The following ATP5MJ variants were observed in gnomAD, a reference collection of about 807,000 sequenced individuals.
The protein encoded by ATP5MJ is ATP synthase F(0) complex subunit j, mitochondrial.
Under a neutral mutation model 8.3 loss-of-function variants are expected in ATP5MJ, and 4 were observed. The observed-to-expected ratio is 0.48, with a 90% CI of 0.24 to 1.11. The LOEUF (loss-of-function observed/expected upper bound fraction) is 1.11, where lower values mean the gene tolerates loss of function less well. ATP5MJ is among the 50% of genes least tolerant of loss of function. The pLI, the probability that ATP5MJ is intolerant of heterozygous loss-of-function variation, is 0.18. For synonymous variants in ATP5MJ, 23 were observed against 21.3 expected, an observed-to-expected ratio of 1.08 and a Z score of -0.23; for missense variants, 66 against 71.8, an observed-to-expected ratio of 0.92 and a Z score of 0.29.
intron 1 of ATP5MJ, chr14:103,920,831 A>G: frequency 1.2e-6 from 1 of 847,898 alleles, no homozygotes; most frequent in South Asian, 1.4e-5. Context: ...TCAGTTTTAC[A>G]GCACCAGACC....
At chr14:103,920,241 C>T (rs1172336790) in intron 1 of ATP5MJ, among the ~76,000 whole-genome samples, 4 of 151,474 alleles carry the variant, frequency 2.6e-5, no homozygotes, top group Admixed American at 2.6e-4. Flanking sequence ...TGTCCTGCCT[C>T]AGCCTCCTGA....
In ATP5MJ at chr14:103,912,621, A is replaced by G. The variant is rs773182541; in HGVS notation, c.*45T>C. 25 of 1,602,170 alleles carry G rather than the reference A, an allele frequency of 1.6e-5. No homozygotes were observed. The highest frequency in any genetic ancestry group is 2.1e-5 in the Non-Finnish European group (24 of 1,170,072). On this transcript the variant is annotated 3_prime_UTR_variant, in exon 4 of 4. Coordinates refer to ENST00000286953, the MANE Select transcript of ATP5MJ (RefSeq NM_004894.3). ...TCTAACACGGCTTGCTGAAATTTAC[A>G]GGCAGACTGACGTTTTCTTTCACAT...
At chr14:103,916,766 C>A (rs1008546549) in intron 1 of ATP5MJ, among the ~76,000 whole-genome samples, 2 of 152,062 alleles carry the variant, frequency 1.3e-5, no homozygotes, top group Non-Finnish European at 2.9e-5. Context: ...GAAAGAACTG[C>A]GCGTTGGCTG....
intron 1 of ATP5MJ, among the ~76,000 whole-genome samples, chr14:103,918,789 A>G (rs1202367440): frequency 6.6e-6 from 1 of 152,052 alleles, no homozygotes; most frequent in African/African-American, 2.4e-5. Flanking sequence ...TTGGGGGTCC[A>G]AGGCAGGGAG....
intron 1 of ATP5MJ, among the ~76,000 whole-genome samples, chr14:103,920,737 T>C (rs374579093): frequency 1.9e-4 from 29 of 152,302 alleles, no homozygotes; most frequent in African/African-American, 5.5e-4. Flanking sequence ...CCCAAAGGGC[T>C]GGGATTACAG....
In ATP5MJ at chr14:103,914,964, T is replaced by C. The variant is rs2087613508; in HGVS notation, c.124+102A>G. 5 of 1,464,364 alleles carry C rather than the reference T, an allele frequency of 3.4e-6. No individual in the cohort carries two copies. In the East Asian group the frequency reaches 1.2e-4, roughly 35 times the overall value. 90.7% of individuals were successfully genotyped at this position (1,464,364 alleles called of 1,614,324 possible). ...GGACTGTAGGTAGCTCTAATGTTCA[T>C]ACCTAGTTAGAACCCATAGTTCCTT... On this transcript the variant is annotated intron_variant, in intron 2 of 3. Coordinates refer to ENST00000286953, the MANE Select transcript of ATP5MJ (RefSeq NM_004894.3).
At chr14:103,921,036 A>G in intron 1 of ATP5MJ, 1 of 1,551,612 alleles carries the variant, frequency 6.4e-7, no homozygotes, top group Non-Finnish European at 8.7e-7. Context: ...GCCTCACCCA[A>G]GTTGTCATGT....
chr14:103,917,924 T>C (rs1224644804), intron 1 of ATP5MJ: 1 of 152,218 alleles, frequency 6.6e-6, no homozygotes, highest in Non-Finnish European at 1.5e-5. Flanking sequence ...AGAACCTACC[T>C]CCAACACCTG....
At chr14:103,913,853 T>C (rs1358879882) in intron 3 of ATP5MJ, 108 bp downstream of exon 3, 8 of 1,301,818 alleles carry the variant, frequency 6.1e-6, no homozygotes, top group African/African-American at 5.8e-5. Flanking sequence ...ACCTTACATA[T>C]ATACTGAACT....
rs1288488024 is a variant in ATP5MJ at position 103,912,737 on chromosome 14, G to T, written c.149-43C>A. The stretch of plus-strand genomic sequence containing the variant: ...TATATAAATATGATTTAAGAAGGAA[G>T]GAACAAGTTGGATGTAATTTATTAA... On this transcript the variant is annotated intron_variant, in intron 3 of 3. Transcript: ENST00000286953. 12 of 1,575,538 alleles carry T rather than the reference G, an allele frequency of 7.6e-6. No individual in the cohort carries two copies. The Admixed American group carries it at 1.9e-4, about 25-fold the overall frequency.
chr14:103,914,849 A>AAAAAAAAAAAG, intron 2 of ATP5MJ: 1 of 365,068 alleles, frequency 2.7e-6, no homozygotes, highest in South Asian at 4.3e-5. Flanking sequence ...AAAAAAAAAA[A>AAAAAAAAAAAG]AAAAAAAAGA....
At chr14:103,920,972 G>A in intron 1 of ATP5MJ, 1 of 1,551,648 alleles carries the variant, frequency 6.4e-7, no homozygotes, top group Middle Eastern at 1.7e-4. Flanking sequence ...TCTGACCCGC[G>A]AGTTCCATAC....
At chr14:103,920,129 C>CTTTTTTTT (rs74373978) in intron 1 of ATP5MJ, among the ~76,000 whole-genome samples, 1 of 121,464 alleles carries the variant, frequency 8.2e-6, no homozygotes, top group Non-Finnish European at 1.7e-5. Flanking sequence ...CCGGCCCCTA[C>CTTTTTTTT]TTTTTTTTTT....
intron 2 of ATP5MJ, chr14:103,914,837 CAAAAA>C (rs35916279): frequency 2.3e-3 from 434 of 190,384 alleles, no homozygotes; most frequent in Non-Finnish European, 2.6e-3. Flanking sequence ...AGACTGTCTC[CAAAAA>C]AAAAAAAAAA....
intron 3 of ATP5MJ, chr14:103,912,922 G>A: frequency 1.9e-6 from 1 of 535,880 alleles, no homozygotes; most frequent in Non-Finnish European, 3.3e-6. Context: ...CAAAGAGAGA[G>A]GCAGGGAAAC....
intron 1 of ATP5MJ, among the ~76,000 whole-genome samples, chr14:103,919,054 C>T (rs1249589166): frequency 2.0e-5 from 3 of 151,564 alleles, no homozygotes; most frequent in Admixed American, 6.6e-5. Context: ...CCTAAAGGAC[C>T]CAGCCTAGTG....
chr14:103,917,841 G>C (rs985068015), intron 1 of ATP5MJ, among the ~76,000 whole-genome samples: 3 of 152,140 alleles, frequency 2.0e-5, no homozygotes, highest in Non-Finnish European at 4.4e-5. Context: ...CCTATAAAGC[G>C]GGTACTCGGA....
intron 2 of ATP5MJ, 177 bp from the exon 3 acceptor site, chr14:103,914,161 A>G: frequency 1.6e-6 from 1 of 625,190 alleles, no homozygotes. Context: ...TTCTATGAAC[A>G]GCTAACAGCC....
intron 1 of ATP5MJ, chr14:103,920,873 C>T: frequency 9.1e-7 from 1 of 1,096,248 alleles, no homozygotes; most frequent in Non-Finnish European, 1.4e-6. Flanking sequence ...ATAGGCCAAA[C>T]GTGTGTCTAC....
Sources: allele counts gnomAD v4.1 joint callset (sites outside exome capture counted in the v4.1 genomes callset), GRCh38; gene constraint gnomAD v4.1.1; transcripts MANE v1.5; gene names NCBI Gene and HGNC (gene_info 2026-07-23, HGNC 2026-07-21).